The following PHLDB2 variants were observed in gnomAD, a reference collection of about 807,000 sequenced individuals.
PHLDB2 encodes the protein pleckstrin homology like domain family B member 2.
In PHLDB2, 71 loss-of-function variants were observed where a neutral mutation model predicts 123.6. The ratio of observed to expected loss-of-function variants is 0.57; its 90% CI spans 0.47 to 0.70. PHLDB2 has a LOEUF of 0.70. PHLDB2 is among the 30% of genes least tolerant of loss of function. The pLI is 0.00. For missense variants in PHLDB2, 1,446 were observed against 1,519.5 expected, an observed-to-expected ratio of 0.95 and a Z score of 0.80; for synonymous variants, 547 against 541.6, an observed-to-expected ratio of 1.01 and a Z score of -0.14.
At chr3:111,973,953 A>T in intron 17 of PHLDB2, 136 bp downstream of exon 17, 1 of 531,306 alleles carries the variant, frequency 1.9e-6, no homozygotes, top group Middle Eastern at 3.3e-4. Flanking sequence ...CTGGAAAAGT[A>T]AACATGAAGT....
At chr3:111,963,986 T>C (rs1266416914) in intron 13 of PHLDB2, among the ~76,000 whole-genome samples, 2 of 152,184 alleles carry the variant, frequency 1.3e-5, no homozygotes, top group African/African-American at 4.8e-5. Context: ...TGTTTTAAAG[T>C]TGATGGTAGT....
chr3:111,913,445 C>A lies in PHLDB2; in HGVS notation c.1462C>A (p.Leu488Ile). ...KINKELEKLQ[L>I]SDEESVFEEA... ...CAACAAGGAGCTTGAGAAGCTGCAG[C>A]TCTCTGATGAGGAGTCTGTGTTTGA... is the stretch of plus-strand genomic sequence containing the variant. The change falls in exon 3 of 18, where the codon CTC becomes ATC. Residue 488 changes from leucine (L) to isoleucine (I), a missense_variant. This residue lies in a region of PHLDB2 where 832 missense variants were observed against 831.9 expected (regional missense o/e 1.00). Coordinates refer to ENST00000431670, the MANE Select transcript of PHLDB2 (RefSeq NM_001134438.2). 1 of 1,614,120 alleles carries A rather than the reference C, an allele frequency of 6.2e-7. No homozygotes were observed. Among genetic ancestry groups the A allele is most frequent in the Non-Finnish European group, 8.5e-7 (1 of 1,180,016 alleles).
At chr3:111,953,507 G>T (rs1453418242) in intron 11 of PHLDB2, among the ~76,000 whole-genome samples, 1 of 152,152 alleles carries the variant, frequency 6.6e-6, no homozygotes, top group Non-Finnish European at 1.5e-5. Context: ...GATTTCTTCA[G>T]TTTCAACCCA....
intron 2 of PHLDB2, among the ~76,000 whole-genome samples, chr3:111,901,744 A>C (rs1387595616): frequency 2.0e-5 from 3 of 152,180 alleles, no homozygotes; most frequent in Non-Finnish European, 4.4e-5. Context: ...GTTTTCTTTA[A>C]TGGTGAAGAG....
rs371621095 is a variant in PHLDB2, at chr3:111,967,724, G to A, written c.3215G>A (p.Arg1072Gln). Residue 1072 changes from arginine to glutamine, a missense_variant, in exon 15 of 18, where the codon CGA (arginine) becomes CAA (glutamine). Coordinates refer to ENST00000431670, the MANE Select transcript of PHLDB2 (RefSeq NM_001134438.2). ...AAACGAGCCCTGGAAGAAGAAAAAC[G>A]ACGCCGGGAAATCCTGGAAAAACGA... ...AKKRALEEEK[R>Q]RREILEKRLQ... The A allele has an allele frequency of 1.2e-6, 2 of 1,612,492 alleles. No homozygotes were observed. Among genetic ancestry groups the A allele is most frequent in the Admixed American group, 1.7e-5 (1 of 59,726 alleles).
intron 1 of PHLDB2, among the ~76,000 whole-genome samples, chr3:111,800,890 G>T (rs558405598): frequency 1.2e-4 from 19 of 152,278 alleles, no homozygotes; most frequent in African/African-American, 4.6e-4. Flanking sequence ...TTTCTAAGAA[G>T]TTATGCCAAT....
intron 2 of PHLDB2, among the ~76,000 whole-genome samples, chr3:111,852,044 A>G (rs2064277798): frequency 6.6e-6 from 1 of 151,706 alleles, no homozygotes; most frequent in Non-Finnish European, 1.5e-5. Flanking sequence ...ACTCTTCTGT[A>G]TCATTGTTTT....
intron 2 of PHLDB2, among the ~76,000 whole-genome samples, chr3:111,896,005 T>C (rs909860567): frequency 7.2e-5 from 11 of 152,210 alleles, no homozygotes; most frequent in African/African-American, 2.7e-4. Flanking sequence ...TTATTTATTA[T>C]TCTTTTTTTG....
intron 5 of PHLDB2, among the ~76,000 whole-genome samples, chr3:111,930,418 T>TTG (rs2069074491): frequency 6.6e-6 from 1 of 152,210 alleles, no homozygotes; most frequent in East Asian, 1.9e-4. Flanking sequence ...GTCTTCTTTT[T>TTG]TAAATTACTT....
chr3:111,788,961 A>C (rs1172794262), intron 1 of PHLDB2, among the ~76,000 whole-genome samples: 1 of 152,224 alleles, frequency 6.6e-6, no homozygotes, highest in Non-Finnish European at 1.5e-5. Flanking sequence ...CCTTGTTGGC[A>C]GAGGAAAAAC....
intron 2 of PHLDB2, among the ~76,000 whole-genome samples, chr3:111,852,069 A>G (rs2064278582): frequency 6.6e-6 from 1 of 151,948 alleles, no homozygotes; most frequent in African/African-American, 2.4e-5. Context: ...TATATATTAC[A>G]TTATCATATT....
chr3:111,777,071 G>A (rs13322494), intron 1 of PHLDB2, among the ~76,000 whole-genome samples: 40,566 of 151,834 alleles, frequency 0.27, 6,849 homozygotes, highest in African/African-American at 0.48. Context: ...GGCCCAGACA[G>A]AAGGGCTTTG....
chr3:111,947,956 A>C (rs1431085081), intron 9 of PHLDB2, among the ~76,000 whole-genome samples: 1 of 152,224 alleles, frequency 6.6e-6, no homozygotes, highest in African/African-American at 2.4e-5. Context: ...GCTTTAAAAG[A>C]GAGGTGTTAT....
rs780013706 is a variant in PHLDB2 at position 111,974,551 on chromosome 3, C to T, written c.3750C>T (p.His1250=). 2 of 1,611,802 alleles carry T rather than the reference C, an allele frequency of 1.2e-6. No individual in the cohort carries two copies. Among genetic ancestry groups the T allele is most frequent in the Non-Finnish European group, 1.7e-6 (2 of 1,179,020 alleles). ...VIVTGAEGYT[H]FLL ...TTACGGGGGCAGAAGGTTACACTCA[C>T]TTCTTGTTGTAGTGAACTGAGGCAA... The change falls in exon 18 of 18, where the codon CAC becomes CAT. Residue 1250 remains histidine, a synonymous_variant. Coordinates refer to ENST00000431670, the MANE Select transcript of PHLDB2 (RefSeq NM_001134438.2).
chr3:111,861,285 C>T (rs2064825081), intron 1 of PHLDB2, among the ~76,000 whole-genome samples: 1 of 152,312 alleles, frequency 6.6e-6, no homozygotes, highest in South Asian at 2.1e-4. Flanking sequence ...ATTCTTGGCT[C>T]CCCTTTCATA....
In PHLDB2 at chr3:111,884,066, T is replaced by C. The variant is rs907048517; in HGVS notation, c.-12T>C. 3 of 1,593,054 alleles carry C rather than the reference T, an allele frequency of 1.9e-6. No individual in the cohort carries two copies. Among genetic ancestry groups the C allele is most frequent in the African/African-American group, 2.7e-5 (2 of 73,528 alleles). On this transcript the variant is annotated splice_region_variant and 5_prime_UTR_variant, in exon 2 of 18. Coordinates refer to ENST00000431670, the MANE Select transcript of PHLDB2 (RefSeq NM_001134438.2). ...TTTTCTGTTTTATTTCTTTACAGATTCCAGCAAGATTATGGAAGAGCATAG... is the reference window on the plus strand; with the variant it reads ...TTTTCTGTTTTATTTCTTTACAGATCCCAGCAAGATTATGGAAGAGCATAG...
Position 111,974,459 on chromosome 3 carries a change from C to T in PHLDB2, c.3658C>T (p.His1220Tyr), listed in dbSNP as rs780071443. ...GTTACTCACCTTTAGCGTCAAGACTCATGACAGAATCTATTATATGGTAGC... is the reference window on the plus strand; with the variant it reads ...GTTACTCACCTTTAGCGTCAAGACTTATGACAGAATCTATTATATGGTAGC... ...NPLLTFSVKT[H>Y]DRIYYMVAPS... is the part of the protein sequence containing the mutation. The change falls in exon 18 of 18, where the codon CAT (histidine) becomes TAT (tyrosine). Residue 1220 changes from histidine (H) to tyrosine (Y), a missense_variant. By Grantham distance (83) the His-to-Tyr change is moderately conservative. Transcript: ENST00000431670. The T allele has an allele frequency of 3.1e-6, 5 of 1,612,996 alleles. No homozygotes were observed. In the East Asian group the frequency reaches 6.7e-5, roughly 22 times the overall value.
At chr3:111,918,698 T>A (rs534580433) in intron 3 of PHLDB2, among the ~76,000 whole-genome samples, 1 of 152,346 alleles carries the variant, frequency 6.6e-6, no homozygotes, top group Admixed American at 6.5e-5. Context: ...CCGAGGAAGA[T>A]GCCACAAGTC....
intron 1 of PHLDB2, among the ~76,000 whole-genome samples, chr3:111,767,662 A>T (rs1412885838): frequency 1.3e-5 from 2 of 152,244 alleles, no homozygotes; most frequent in Non-Finnish European, 2.9e-5. Flanking sequence ...TGTACCTGGC[A>T]TATAGTGAAA....
Sources: allele counts gnomAD v4.1 joint callset (sites outside exome capture counted in the v4.1 genomes callset), GRCh38; gene constraint gnomAD v4.1.1; regional missense constraint gnomAD v4.1.1; transcripts MANE v1.5; gene names NCBI Gene and HGNC (gene_info 2026-07-23, HGNC 2026-07-21).